BMPER: variants seen among roughly 807,000 people sequenced by gnomAD.
BMPER encodes BMP binding endothelial regulator.
In BMPER, 45 loss-of-function variants were observed where a neutral mutation model predicts 87.3. That is an observed-to-expected ratio of 0.52 (90% CI 0.41 to 0.66). BMPER has a LOEUF of 0.66. Among genes scored for constraint, BMPER ranks in the 30% least tolerant of loss-of-function variants. The pLI, the probability that BMPER is intolerant of heterozygous loss-of-function variation, is 0.00. For synonymous variants in BMPER, 326 were observed against 316.2 expected, an observed-to-expected ratio of 1.03 and a Z score of -0.33; for missense variants, 784 against 867.5, an observed-to-expected ratio of 0.90 and a Z score of 1.21.
intron 3 of BMPER, among the ~76,000 whole-genome samples, chr7:33,956,132 G>T (rs868530526): frequency 6.6e-6 from 1 of 152,076 alleles, no homozygotes; most frequent in African/African-American, 2.4e-5. Context: ...TGTAAAACTC[G>T]TAGAAAACGT....
chr7:34,109,565 A>G (rs1789908483), intron 13 of BMPER, among the ~76,000 whole-genome samples: 1 of 152,212 alleles, frequency 6.6e-6, no homozygotes, highest in Non-Finnish European at 1.5e-5. Flanking sequence ...TTAATTTGTT[A>G]TACTTTCTCA....
At chr7:34,087,152 AATCCC>A (rs1789236859) in intron 13 of BMPER, among the ~76,000 whole-genome samples, 1 of 152,176 alleles carries the variant, frequency 6.6e-6, no homozygotes, top group Non-Finnish European at 1.5e-5. Context: ...TGTCATCACA[AATCCC>A]CGAACATGGC....
chr7:34,111,048 G>A (rs1430226422), intron 13 of BMPER, among the ~76,000 whole-genome samples: 3 of 152,188 alleles, frequency 2.0e-5, no homozygotes, highest in East Asian at 1.9e-4. Context: ...GCAAAACAAG[G>A]AAAGTAAATG....
chr7:34,135,906 G>A (rs550572474), intron 13 of BMPER, among the ~76,000 whole-genome samples: 5 of 152,182 alleles, frequency 3.3e-5, no homozygotes, highest in Admixed American at 6.5e-5. Flanking sequence ...AAGCTGAACC[G>A]GAGATAACTT....
chr7:34,013,085 G>A (rs1015424101), intron 6 of BMPER, among the ~76,000 whole-genome samples: 7 of 151,690 alleles, frequency 4.6e-5, no homozygotes, highest in African/African-American at 7.3e-5. Context: ...AAACTTGCAC[G>A]CAGAACATTG....
At chr7:34,005,541 G>A (rs2127937824) in intron 6 of BMPER, among the ~76,000 whole-genome samples, 1 of 151,728 alleles carries the variant, frequency 6.6e-6, no homozygotes, top group African/African-American at 2.4e-5. Context: ...TTGAACTTCT[G>A]GGCTCAGGCA....
intron 2 of BMPER, among the ~76,000 whole-genome samples, chr7:33,922,559 C>A (rs1172225688): frequency 6.6e-6 from 1 of 152,150 alleles, no homozygotes; most frequent in African/African-American, 2.4e-5. Flanking sequence ...GTTTCCGTCT[C>A]TAGTGATAAG....
At chr7:34,121,019 T>C (rs1294877929) in intron 13 of BMPER, among the ~76,000 whole-genome samples, 1 of 150,860 alleles carries the variant, frequency 6.6e-6, no homozygotes, top group Non-Finnish European at 1.5e-5. Flanking sequence ...TATATAATTA[T>C]TTAATATATT....
At position 33,937,286 on chromosome 7, in the gene BMPER, T is replaced by G; in HGVS notation, c.220-3T>G. On this transcript the variant is annotated splice_region_variant and splice_polypyrimidine_tract_variant and intron_variant, in intron 2 of 14. Coordinates refer to ENST00000649409, the MANE Select transcript of BMPER (RefSeq NM_001365308.1). ...CAAATCTCTCGTGTCTCTTTTTGTCTAGAACAAGGAAGTGACATGTAAGAG... is the reference window on the plus strand; with the variant it reads ...CAAATCTCTCGTGTCTCTTTTTGTCGAGAACAAGGAAGTGACATGTAAGAG... 1 of 1,613,580 alleles carries G rather than the reference T, an allele frequency of 6.2e-7. No individual in the cohort carries two copies. The highest frequency in any genetic ancestry group is 8.5e-7 in the Non-Finnish European group (1 of 1,179,496).
intron 13 of BMPER, 148 bp downstream of exon 13, chr7:34,086,240 A>C: frequency 2.2e-6 from 2 of 911,828 alleles, no homozygotes; most frequent in Non-Finnish European, 1.7e-6. Context: ...AGCTGATCTC[A>C]TCTTGAGTCA....
chr7:34,007,954 T>G (rs943063461), intron 6 of BMPER, among the ~76,000 whole-genome samples: 1 of 151,974 alleles, frequency 6.6e-6, no homozygotes, highest in Non-Finnish European at 1.5e-5. Flanking sequence ...GACCATACCC[T>G]TGTCAACACA....
At chr7:33,966,705 G>A (rs1785415720) in intron 4 of BMPER, 144 bp downstream of exon 4, 1 of 745,152 alleles carries the variant, frequency 1.3e-6, no homozygotes, top group Non-Finnish European at 2.3e-6. Context: ...ATCCTTGTGT[G>A]TACTTACTGT....
chr7:34,055,337 T>C (rs1788254923), intron 9 of BMPER, 34 bp downstream of exon 9: 1 of 1,612,834 alleles, frequency 6.2e-7, no homozygotes, highest in Non-Finnish European at 8.5e-7. Context: ...GGAACTCCTG[T>C]ATTACTACGC....
At chr7:34,122,926 C>A (rs1270080880) in intron 13 of BMPER, among the ~76,000 whole-genome samples, 1 of 152,096 alleles carries the variant, frequency 6.6e-6, no homozygotes, top group East Asian at 1.9e-4. Flanking sequence ...AGAAGCTCTT[C>A]GGATTAGTTC....
chr7:34,129,826 G>A (rs927491263), intron 13 of BMPER, among the ~76,000 whole-genome samples: 6 of 152,088 alleles, frequency 3.9e-5, no homozygotes, highest in Non-Finnish European at 2.9e-5. Context: ...TCCTCACCTG[G>A]AAACACTATT....
At chr7:34,138,426 A>G (rs12669151) in intron 13 of BMPER, among the ~76,000 whole-genome samples, 6,218 of 152,242 alleles carry the variant, frequency 0.041, 272 homozygotes, top group African/African-American at 0.11. Flanking sequence ...TGGATGTGTG[A>G]CAAAGCGCTG....
At chr7:34,114,189 G>A (rs1790053662) in intron 13 of BMPER, among the ~76,000 whole-genome samples, 1 of 152,114 alleles carries the variant, frequency 6.6e-6, no homozygotes, top group Admixed American at 6.5e-5. Context: ...CAGGATCTCT[G>A]GGAGTTCACC....
chr7:34,027,832 C>G (rs1787398641), intron 6 of BMPER, among the ~76,000 whole-genome samples: 1 of 151,980 alleles, frequency 6.6e-6, no homozygotes, highest in African/African-American at 2.4e-5. Flanking sequence ...CTGTAATACT[C>G]ATATAATTAT....
intron 2 of BMPER, among the ~76,000 whole-genome samples, chr7:33,919,061 G>T (rs1478426004): frequency 5.9e-5 from 9 of 152,114 alleles, no homozygotes; most frequent in South Asian, 2.1e-4. Context: ...CACGTGTGTG[G>T]GGGGGAATTG....
Sources: gnomAD v4.1 joint callset for allele counts (sites outside exome capture counted in the v4.1 genomes callset) on GRCh38, gnomAD v4.1.1 for gene constraint, MANE v1.5 for transcripts, NCBI Gene and HGNC (gene_info 2026-07-23, HGNC 2026-07-21) for gene names.